The following SIM1 variants were observed in gnomAD, a reference collection of about 807,000 sequenced individuals.
The protein encoded by SIM1 is SIM bHLH transcription factor 1.
SIM1 carries 18 observed loss-of-function variants against 78.2 expected under a neutral mutation model. The ratio of observed to expected loss-of-function variants is 0.23; its 90% CI spans 0.16 to 0.34. The LOEUF is 0.34. SIM1 is among the 10% of genes least tolerant of loss of function. SIM1 has a pLI of 1.00. For synonymous variants in SIM1, 417 were observed against 385.2 expected, an observed-to-expected ratio of 1.08 and a Z score of -0.97; for missense variants, 939 against 975.1, an observed-to-expected ratio of 0.96 and a Z score of 0.49.
chr6:100,396,196 G>A (rs1222124050), intron 10 of SIM1: 2 of 351,958 alleles, frequency 5.7e-6, no homozygotes, highest in Non-Finnish European at 8.0e-6. Context: ...TGCTATACAT[G>A]TGTTCCTTGA....
chr6:100,421,956 T>C (rs1240862714), intron 9 of SIM1, among the ~76,000 whole-genome samples: 10 of 152,126 alleles, frequency 6.6e-5, no homozygotes, highest in Non-Finnish European at 1.5e-4. Context: ...TCTTGAACAC[T>C]GTGAATCATA....
At chr6:100,444,212 C>T (rs993030001) in intron 9 of SIM1, among the ~76,000 whole-genome samples, 16 of 151,986 alleles carry the variant, frequency 1.1e-4, no homozygotes, top group African/African-American at 3.6e-4. Context: ...AGAAAACTCA[C>T]GTAGGTCTTT....
intron 10 of SIM1, among the ~76,000 whole-genome samples, chr6:100,419,689 T>A (rs916597215): frequency 6.6e-6 from 1 of 152,232 alleles, no homozygotes; most frequent in African/African-American, 2.4e-5. Context: ...TCGCCCAGCC[T>A]GGAGTGCAAT....
At chr6:100,425,625 A>T (rs1055394208) in intron 9 of SIM1, among the ~76,000 whole-genome samples, 27 of 152,318 alleles carry the variant, frequency 1.8e-4, no homozygotes, top group African/African-American at 6.3e-4. Flanking sequence ...TTTTACTTTT[A>T]GAATTCTATT....
chr6:100,417,175 T>C (rs975128702), intron 10 of SIM1, among the ~76,000 whole-genome samples: 3 of 152,066 alleles, frequency 2.0e-5, no homozygotes, highest in Admixed American at 2.0e-4. Flanking sequence ...TCCCCTCTCC[T>C]CTCCCTTATG....
rs1486871541 is a variant in SIM1, at chr6:100,390,768, G to A, written c.1894C>T (p.His632Tyr). ...ATTTTTCCCTCTCTCTGCTGGATAT[G>A]GTCACATGGTGAAGTGTTGGCAAGA... ...SALANTSPCD[H>Y]IQQREGKMLS... is the part of the protein sequence containing the mutation. Residue 632 changes from histidine to tyrosine, a missense_variant, in exon 12 of 12, where the codon CAT (histidine) becomes TAT (tyrosine). By Grantham distance (83) the His-to-Tyr change is moderately conservative. Transcript: ENST00000369208. 2 of 1,614,024 alleles carry A rather than the reference G, an allele frequency of 1.2e-6. No individual in the cohort carries two copies. The highest frequency in any genetic ancestry group is 1.3e-5 in the African/African-American group (1 of 74,896).
In SIM1 at chr6:100,412,681, GAAAAAGAA is replaced by G. The variant is rs1165276896; in HGVS notation, c.1167+8101_1167+8108del. Among the ~76,000 whole-genome samples the G allele has an allele frequency of 4.3e-4, 31 of 72,344 alleles. 1 individual carries two copies. Among genetic ancestry groups the G allele is most frequent in the African/African-American group, 1.3e-3 (25 of 18,762 alleles). 47.5% of individuals were successfully genotyped at this position (72,344 alleles called of 152,430 possible). On this transcript the variant is annotated intron_variant, in intron 10 of 11. Transcript: ENST00000369208. ...AGAGAGAGAGAGAGAGAGAAAGAAA[GAAAAAGAA>G]AGAAAGAAAGAAAGAAAGAAAGAAA...
At chr6:100,449,181 A>G (rs758833698) in intron 6 of SIM1, among the ~76,000 whole-genome samples, 182 bp downstream of exon 6, 4 of 152,168 alleles carry the variant, frequency 2.6e-5, no homozygotes, top group African/African-American at 7.2e-5. Context: ...CTTTAAGCAT[A>G]GTCCCCAGCT....
chr6:100,439,436 A>C (rs1386406025), intron 9 of SIM1, among the ~76,000 whole-genome samples: 1 of 152,230 alleles, frequency 6.6e-6, no homozygotes, highest in Non-Finnish European at 1.5e-5. Context: ...ATAACATTGC[A>C]AACTGAGCTA....
rs748178801 is a variant in SIM1, at chr6:100,390,610, A to T, written c.2052T>A (p.Pro684=). 24 of 1,614,082 alleles carry T rather than the reference A, an allele frequency of 1.5e-5. No individual in the cohort carries two copies. The highest frequency in any genetic ancestry group is 2.0e-5 in the Non-Finnish European group (24 of 1,180,048). The change falls in exon 12 of 12, where the codon CCT becomes CCA. Residue 684 remains proline, a synonymous_variant. Coordinates refer to ENST00000369208, the MANE Select transcript of SIM1 (RefSeq NM_005068.3). The part of the protein sequence containing the change: ...AKDYLHSDIS[P]HQTAGDHPTV... ...TAGGGTGGTCTCCTGCTGTCTGATG[A>T]GGAGATATATCCGAATGCAGATAGT...
chr6:100,457,643 G>T (rs1240946760), intron 2 of SIM1, among the ~76,000 whole-genome samples: 1 of 152,234 alleles, frequency 6.6e-6, no homozygotes. Flanking sequence ...GAGAAAAAAA[G>T]AGAGGGAAAT....
Position 100,453,863 on chromosome 6 carries a change from A to T in SIM1, c.176-19T>A. 1 of 1,596,310 alleles carries T rather than the reference A, an allele frequency of 6.3e-7. No individual in the cohort carries two copies. Among genetic ancestry groups the T allele is most frequent in the African/African-American group, 1.3e-5 (1 of 74,292 alleles). On this transcript the variant is annotated intron_variant, in intron 2 of 11. Coordinates refer to ENST00000369208, the MANE Select transcript of SIM1 (RefSeq NM_005068.3). ...CCGAGCCCTGTGGAGACACAGAAGC[A>T]TCCTGTAGCCACTGAACCCGGACCT...
In SIM1 at chr6:100,450,696, T is replaced by TCTCTCTCTCTCTCA. The variant is rs1421452803; in HGVS notation, c.259-341_259-340insTGAGAGAGAGAGAG. ...CTCTCTCTCTCTCTCTCTCTCTCTC[T>TCTCTCTCTCTCTCA]CACACACACACACACACACACACAC... On this transcript the variant is annotated intron_variant, in intron 3 of 11. Coordinates refer to ENST00000369208, the MANE Select transcript of SIM1 (RefSeq NM_005068.3). Among the ~76,000 whole-genome samples the TCTCTCTCTCTCTCA allele has an allele frequency of 4.2e-3, 385 of 91,902 alleles. 2 individuals carry two copies. The highest frequency in any genetic ancestry group is 9.0e-3 in the South Asian group (19 of 2,120). The allele number at this position is 91,902 out of a possible 152,430, so 60.3% of individuals were successfully genotyped here.
intron 10 of SIM1, among the ~76,000 whole-genome samples, chr6:100,412,940 G>A (rs1771297890): frequency 6.6e-6 from 1 of 151,978 alleles, no homozygotes; most frequent in Non-Finnish European, 1.5e-5. Context: ...TGTAAACAGG[G>A]ATAAACCCAA....
chr6:100,451,275 C>A (rs1194572025), intron 3 of SIM1, among the ~76,000 whole-genome samples: 1 of 152,144 alleles, frequency 6.6e-6, no homozygotes, highest in Non-Finnish European at 1.5e-5. Context: ...GAACAGGAAG[C>A]TTGGACTGGA....
rs142882038 is a variant in SIM1 at position 100,443,381 on chromosome 6, A to G, written c.998+3887T>C. On this transcript the variant is annotated intron_variant, in intron 9 of 11. Coordinates refer to ENST00000369208, the MANE Select transcript of SIM1 (RefSeq NM_005068.3). ...GCTAAGAAAAAGAAGTTGAGATGTT[A>G]AATCTGTCTGATTCCAAAATTTCCA... is the stretch of plus-strand genomic sequence containing the variant. 1.4e-3 allele frequency among the ~76,000 whole-genome samples: 220 copies of G among 152,248 alleles called. 1 individual carries two copies. Among genetic ancestry groups the G allele is most frequent in the African/African-American group, 5.0e-3 (207 of 41,588 alleles).
chr6:100,393,432 G>A, intron 11 of SIM1, 55 bp downstream of exon 11: 1 of 1,430,986 alleles, frequency 7.0e-7, no homozygotes, highest in Non-Finnish European at 9.2e-7. Flanking sequence ...ACAATGTGAT[G>A]AACCTGCCCA....
chr6:100,410,969 C>T lies in SIM1; in HGVS notation c.1167+9821G>A, dbSNP rs368302760. On this transcript the variant is annotated intron_variant, in intron 10 of 11. Coordinates refer to ENST00000369208, the MANE Select transcript of SIM1 (RefSeq NM_005068.3). ...CCAGAATATCAAAAACCAAGCCAAA[C>T]AAACAGAAAATAGTTTAAGATACTT... 1.3e-4 allele frequency among the ~76,000 whole-genome samples: 20 copies of T among 152,258 alleles called. No individual in the cohort carries two copies. In the East Asian group the frequency reaches 2.7e-3, roughly 21 times the overall value.
intron 9 of SIM1, among the ~76,000 whole-genome samples, chr6:100,443,580 A>C (rs924732028): frequency 2.5e-4 from 38 of 152,238 alleles, no homozygotes; most frequent in South Asian, 1.4e-3. Context: ...AATTGAGATC[A>C]TACACCAATG....
Sources: allele counts gnomAD v4.1 joint callset (sites outside exome capture counted in the v4.1 genomes callset), GRCh38; gene constraint gnomAD v4.1.1; transcripts MANE v1.5; gene names NCBI Gene and HGNC (gene_info 2026-07-23, HGNC 2026-07-21).